The following VRK1 variants were observed in gnomAD, a reference collection of about 807,000 sequenced individuals.
VRK1 encodes the protein VRK serine/threonine kinase 1, also known as serine/threonine-protein kinase VRK1.
In VRK1, 33 loss-of-function variants were observed where a neutral mutation model predicts 57.1. The observed-to-expected ratio is 0.58, with a 90% CI of 0.44 to 0.77. The LOEUF (loss-of-function observed/expected upper bound fraction) is 0.77, where lower values mean the gene tolerates loss of function less well. Among genes scored for constraint, VRK1 ranks in the 30% least tolerant of loss-of-function variants. The pLI is 0.00. For missense variants in VRK1, 413 were observed against 477.3 expected (o/e 0.87, Z 1.25); for synonymous variants, 137 against 147.8 (o/e 0.93, Z 0.53).
Position 96,881,444 on chromosome 14 carries a change from G to A in VRK1, c.*236G>A, listed in dbSNP as rs533316958. 2.3e-5 allele frequency: 10 copies of A among 432,538 alleles called. No homozygotes were observed. The highest frequency in any genetic ancestry group is 1.2e-4 in the African/African-American group (6 of 49,894). 26.8% of individuals were successfully genotyped at this position (432,538 alleles called of 1,614,324 possible). On this transcript the variant is annotated 3_prime_UTR_variant, in exon 13 of 13. Coordinates refer to ENST00000216639, the MANE Select transcript of VRK1 (RefSeq NM_003384.3). ...ATACTCCTTAAGTTATCCCAAAGCC[G>A]TGTGTTTGTGATGTTTTGGAGTACA...
At chr14:96,844,651 C>T (rs1342184778) in intron 3 of VRK1, among the ~76,000 whole-genome samples, 1 of 152,168 alleles carries the variant, frequency 6.6e-6, no homozygotes, top group Non-Finnish European at 1.5e-5. Flanking sequence ...AAGTGATTCT[C>T]CTCCCTCAGC....
chr14:96,876,260 A>G, intron 12 of VRK1, 140 bp downstream of exon 12: 1 of 777,784 alleles, frequency 1.3e-6, no homozygotes, highest in South Asian at 1.4e-5. Flanking sequence ...TATAGTATGT[A>G]TTGTGTCTTT....
Position 96,807,927 on chromosome 14 carries a change from GTC to G in VRK1, c.-6+10488_-6+10489del, listed in dbSNP as rs925226759. On this transcript the variant is annotated intron_variant, in intron 1 of 12. Coordinates refer to ENST00000216639, the MANE Select transcript of VRK1 (RefSeq NM_003384.3). The stretch of plus-strand genomic sequence containing the variant: ...ACAAGAGAAAGAAGTCACTCTCTCT[GTC>G]TCTCTCTTTCTCTGTCTCTCTCTCT... 4.0e-5 allele frequency among the ~76,000 whole-genome samples: 6 copies of G among 150,368 alleles called. No individual in the cohort carries two copies. The South Asian group carries it at 6.3e-4, about 16-fold the overall frequency.
intron 1 of VRK1, among the ~76,000 whole-genome samples, chr14:96,819,597 A>G (rs930713926): frequency 6.6e-6 from 1 of 152,222 alleles, no homozygotes; most frequent in Non-Finnish European, 1.5e-5. Flanking sequence ...CATCTTTATC[A>G]AAATAGGAGC....
At chr14:96,814,840 C>A (rs1886333254) in intron 1 of VRK1, among the ~76,000 whole-genome samples, 1 of 152,162 alleles carries the variant, frequency 6.6e-6, no homozygotes, top group South Asian at 2.1e-4. Context: ...ATTTTTAAAA[C>A]TGCCTAATAT....
chr14:96,843,227 T>G (rs1887538255), intron 3 of VRK1, among the ~76,000 whole-genome samples: 1 of 152,206 alleles, frequency 6.6e-6, no homozygotes, highest in African/African-American at 2.4e-5. Context: ...TTCTTTTGTG[T>G]TTTCTTGCTG....
chr14:96,819,912 G>C (rs1886534613), intron 1 of VRK1, among the ~76,000 whole-genome samples: 1 of 152,134 alleles, frequency 6.6e-6, no homozygotes, highest in African/African-American at 2.4e-5. Context: ...CCTTTCTGTT[G>C]ACGAATGCTG....
At chr14:96,873,613 A>G (rs1190614824) in intron 11 of VRK1, among the ~76,000 whole-genome samples, 1 of 152,184 alleles carries the variant, frequency 6.6e-6, no homozygotes, top group Non-Finnish European at 1.5e-5. Context: ...TTGTGAAGAC[A>G]TTTTTCTGTT....
intron 3 of VRK1, among the ~76,000 whole-genome samples, chr14:96,839,683 C>G (rs1237828815): frequency 3.3e-5 from 5 of 152,102 alleles, no homozygotes; most frequent in Non-Finnish European, 7.3e-5. Context: ...TTGCCCCTTT[C>G]CTCTTATTTT....
chr14:96,844,525 A>G (rs1887596518), intron 3 of VRK1, among the ~76,000 whole-genome samples: 2 of 152,076 alleles, frequency 1.3e-5, no homozygotes, highest in African/African-American at 2.4e-5. Flanking sequence ...AGATTGGCTA[A>G]TCCGTTTTCC....
intron 1 of VRK1, among the ~76,000 whole-genome samples, chr14:96,797,677 G>A (rs901495330): frequency 3.2e-4 from 49 of 152,026 alleles, no homozygotes; most frequent in African/African-American, 1.2e-3. Flanking sequence ...CCCCGCAGGC[G>A]CCCCCGGGGA....
intron 1 of VRK1, among the ~76,000 whole-genome samples, chr14:96,801,514 TG>T (rs1256853394): frequency 6.6e-5 from 10 of 152,196 alleles, no homozygotes; most frequent in Admixed American, 6.5e-4. Flanking sequence ...CTATGTAATT[TG>T]GCAACAGCTA....
rs573987367 is a variant in VRK1 at position 96,860,074 on chromosome 14, C to G, written c.890-483C>G. 2.0e-5 allele frequency among the ~76,000 whole-genome samples: 3 copies of G among 152,084 alleles called. No individual in the cohort carries two copies. The East Asian group carries it at 5.8e-4, about 29-fold the overall frequency. On this transcript the variant is annotated intron_variant, in intron 10 of 12. Transcript: ENST00000216639. The stretch of plus-strand genomic sequence containing the variant: ...TGATTTTTCTCTTTTATAGGAAAGC[C>G]AGATCTTATTTCTTTCTTCTTTCTT...
chr14:96,819,673 G>A (rs767892108), intron 1 of VRK1, among the ~76,000 whole-genome samples: 25 of 152,142 alleles, frequency 1.6e-4, no homozygotes, highest in Non-Finnish European at 3.5e-4. Context: ...GTAAAAATCC[G>A]TGTTTTGGGA....
intron 1 of VRK1, among the ~76,000 whole-genome samples, chr14:96,824,608 T>C (rs1392922041): frequency 2.6e-5 from 4 of 151,886 alleles, no homozygotes; most frequent in Admixed American, 2.6e-4. Flanking sequence ...ACATTTGGCA[T>C]TGAAAGGGAA....
chr14:96,811,778 T>C (rs1886217355), intron 1 of VRK1, among the ~76,000 whole-genome samples: 1 of 151,988 alleles, frequency 6.6e-6, no homozygotes, highest in Non-Finnish European at 1.5e-5. Context: ...TTAACCTTTT[T>C]TTTTTTAAAG....
intron 1 of VRK1, among the ~76,000 whole-genome samples, chr14:96,815,539 A>G (rs1346007743): frequency 6.6e-6 from 1 of 152,110 alleles, no homozygotes; most frequent in African/African-American, 2.4e-5. Flanking sequence ...AGAGGAAAAT[A>G]TATCAGTTAA....
In VRK1 at chr14:96,847,191, G is replaced by T. The variant is rs986187827; in HGVS notation, c.287-66G>T. On this transcript the variant is annotated intron_variant, in intron 4 of 12. Transcript: ENST00000216639. ...TGTATAAATACATTTTGCTCTTAAT[G>T]ATTTTTTAAAAAATTATCATTTATG... 5 of 1,377,614 alleles carry T rather than the reference G, an allele frequency of 3.6e-6. No homozygotes were observed. The African/African-American group carries it at 4.4e-5, about 12-fold the overall frequency. The allele number at this position is 1,377,614 out of a possible 1,614,324, so 85.3% of individuals were successfully genotyped here.
chr14:96,871,512 T>C (rs975594858), intron 11 of VRK1, among the ~76,000 whole-genome samples: 2 of 152,262 alleles, frequency 1.3e-5, no homozygotes, highest in East Asian at 1.9e-4. Context: ...GGATTTCTTA[T>C]AGTGCTTATA....
Sources: allele counts gnomAD v4.1 joint callset (sites outside exome capture counted in the v4.1 genomes callset), GRCh38; gene constraint gnomAD v4.1.1; transcripts MANE v1.5; gene names NCBI Gene and HGNC (gene_info 2026-07-23, HGNC 2026-07-21).